The following SPTA1 variants were observed in gnomAD, a reference collection of about 807,000 sequenced individuals.
SPTA1 encodes the protein spectrin alpha, erythrocytic 1, also known as spectrin alpha chain, erythrocytic 1.
SPTA1 carries 177 observed loss-of-function variants against 324.7 expected under a neutral mutation model. The observed-to-expected ratio is 0.55, with a 90% CI of 0.48 to 0.62. The LOEUF is 0.62. Ranked by LOEUF, SPTA1 falls within the 20% of genes least tolerant of loss-of-function variation. The pLI is 0.00. For synonymous variants in SPTA1, 1,195 were observed against 1,041.3 expected, an observed-to-expected ratio of 1.15 and a Z score of -2.84; for missense variants, 3,162 against 2,883.6, an observed-to-expected ratio of 1.10 and a Z score of -2.21.
Position 158,639,800 on chromosome 1 carries a change from T to A in SPTA1, c.4875+70A>T, listed in dbSNP as rs1453152999. The A allele has an allele frequency of 6.2e-6, 10 of 1,612,786 alleles. No individual in the cohort carries two copies. The African/African-American group carries it at 8.0e-5, about 13-fold the overall frequency. ...CAGGAAAATTCAAGGAAATTGCCCATGGGTAAATTCATTTGTCTGACAAGT... is the reference window on the plus strand; with the variant it reads ...CAGGAAAATTCAAGGAAATTGCCCAAGGGTAAATTCATTTGTCTGACAAGT... On this transcript the variant is annotated intron_variant, in intron 34 of 51. Coordinates refer to ENST00000643759, the MANE Select transcript of SPTA1 (RefSeq NM_003126.4).
intron 5 of SPTA1, among the ~76,000 whole-genome samples, chr1:158,679,679 G>A (rs1363751537): frequency 1.3e-5 from 2 of 152,002 alleles, no homozygotes; most frequent in Non-Finnish European, 2.9e-5. Context: ...AAAAATGCCA[G>A]GTAAGATCAG....
intron 42 of SPTA1, among the ~76,000 whole-genome samples, chr1:158,624,873 C>T (rs1324800661): frequency 6.6e-6 from 1 of 152,094 alleles, no homozygotes; most frequent in Non-Finnish European, 1.5e-5. Flanking sequence ...TAGGAGCAGC[C>T]CTGGTTAAAG....
chr1:158,632,691 T>C (rs80334333), intron 39 of SPTA1, among the ~76,000 whole-genome samples: 128 of 151,352 alleles, frequency 8.5e-4, no homozygotes, highest in African/African-American at 3.0e-3. Context: ...AACTGCAAAC[T>C]GCATCATTTA....
rs752099269 is a variant in SPTA1 at position 158,644,397 on chromosome 1, C to T, written c.4195-1G>A. Reference sequence around the variant, plus strand: ...CTTGATCACAGTTCCCCTGGAACATCTATGAGGAATCAAATGAGAGGGGTA... The same window carrying T: ...CTTGATCACAGTTCCCCTGGAACATTTATGAGGAATCAAATGAGAGGGGTA... On this transcript the variant is annotated splice_acceptor_variant, in intron 29 of 51. Transcript: ENST00000643759. LOFTEE classifies it high-confidence loss of function. The T allele has an allele frequency of 1.9e-6, 3 of 1,613,662 alleles. No individual in the cohort carries two copies. In the South Asian group the frequency reaches 3.3e-5, roughly 18 times the overall value.
intron 47 of SPTA1, 123 bp downstream of exon 47, chr1:158,617,414 T>C: frequency 3.9e-6 from 3 of 763,116 alleles, no homozygotes; most frequent in Non-Finnish European, 4.6e-6. Context: ...TGATGGCCTA[T>C]GGTTAAAATG....
At chr1:158,626,310 C>CAAGA in intron 41 of SPTA1, 88 bp from the exon 42 acceptor site, 1 of 1,221,436 alleles carries the variant, frequency 8.2e-7, no homozygotes, top group Non-Finnish European at 1.2e-6. Flanking sequence ...CAACACACAA[C>CAAGA]AAGAAAGCTT....
chr1:158,664,582 G>C (rs1461993004), intron 16 of SPTA1, among the ~76,000 whole-genome samples: 3 of 152,140 alleles, frequency 2.0e-5, no homozygotes, highest in Non-Finnish European at 4.4e-5. Context: ...CAGGTTGATA[G>C]GTGCAGCAAA....
Position 158,611,302 on chromosome 1 carries a change from C to A in SPTA1, c.7222G>T (p.Asp2408Tyr). The A allele has an allele frequency of 6.2e-7, 1 of 1,613,838 alleles. No individual in the cohort carries two copies. Reference sequence around the variant, plus strand: ...TAGGAATTGGTGAAGCCAACGTAGTCATAGCCAGAGAGATGGCTTCGACCC... The same window carrying A: ...TAGGAATTGGTGAAGCCAACGTAGTAATAGCCAGAGAGATGGCTTCGACCC... ...PRGRSHLSGY[D>Y]YVGFTNSYFG... Residue 2408 changes from aspartate to tyrosine, a missense_variant, in exon 52 of 52, where the codon GAC becomes TAC. Coordinates refer to ENST00000643759, the MANE Select transcript of SPTA1 (RefSeq NM_003126.4).
intron 39 of SPTA1, among the ~76,000 whole-genome samples, 171 bp from the exon 40 acceptor site, chr1:158,627,894 C>G (rs1047577563): frequency 6.6e-6 from 1 of 152,164 alleles, no homozygotes; most frequent in African/African-American, 2.4e-5. Context: ...TTCTCAAATT[C>G]TCACTTGTCA....
At position 158,654,742 on chromosome 1, in the gene SPTA1, G is replaced by C. The variant is rs967975662; in HGVS notation, c.2905C>G (p.Gln969Glu). The C allele has an allele frequency of 2.5e-6, 4 of 1,613,456 alleles. No homozygotes were observed. In the African/African-American group the frequency reaches 5.3e-5, roughly 22 times the overall value. Residue 969 changes from glutamine (Q) to glutamate (E), a missense_variant, in exon 21 of 52, where the codon CAG (glutamine) becomes GAG (glutamate). By Grantham distance (29) the Gln-to-Glu change is conservative. Transcript: ENST00000643759. ...RNQANACQQQ[Q>E]AAPVEGVAGE... is the part of the protein sequence containing the mutation. The stretch of plus-strand genomic sequence containing the variant: ...GCAACTCCCTCCACTGGTGCAGCCT[G>C]TTGTTGCTGAATAAAAACAGGAAGC...
intron 43 of SPTA1, among the ~76,000 whole-genome samples, chr1:158,621,083 C>A (rs977321489): frequency 6.6e-6 from 1 of 152,152 alleles, no homozygotes; most frequent in Non-Finnish European, 1.5e-5. Context: ...TACCCTCTAA[C>A]CTGTATCCTT....
chr1:158,680,841 G>A, intron 4 of SPTA1, 112 bp from the exon 5 acceptor site: 4 of 1,372,354 alleles, frequency 2.9e-6, no homozygotes, highest in Non-Finnish European at 4.1e-6. Flanking sequence ...GAGATACTGG[G>A]GGAGACTGGG....
chr1:158,633,101 A>G (rs149118617), intron 39 of SPTA1, among the ~76,000 whole-genome samples: 3 of 152,318 alleles, frequency 2.0e-5, no homozygotes, highest in African/African-American at 7.2e-5. Context: ...TTTCATTTGT[A>G]TAGCAGCGTG....
Position 158,672,686 on chromosome 1 carries a change from A to G in SPTA1, c.1351-490T>C, listed in dbSNP as rs375386164. Among the ~76,000 whole-genome samples, 3 of 152,232 alleles carry G rather than the reference A, an allele frequency of 2.0e-5. No homozygotes were observed. The East Asian group carries it at 5.8e-4, about 29-fold the overall frequency. On this transcript the variant is annotated intron_variant, in intron 10 of 51. Coordinates refer to ENST00000643759, the MANE Select transcript of SPTA1 (RefSeq NM_003126.4). ...TTTATTCCCAAAACAAATAAAAACC[A>G]TCAGGGAAAGAGAGAAGAGACATTC...
intron 41 of SPTA1, among the ~76,000 whole-genome samples, chr1:158,626,481 G>A (rs73018207): frequency 0.012 from 1,881 of 152,218 alleles, 45 homozygotes; most frequent in African/African-American, 0.043. Context: ...GATTAGATAT[G>A]AATTGTAAGT....
Position 158,612,859 on chromosome 1 carries a change from C to T in SPTA1, c.7092G>A (p.Leu2364=), listed in dbSNP as rs763744175. Residue 2364 remains leucine (L), a synonymous_variant, in exon 51 of 52, where the codon CTG becomes CTA. Coordinates refer to ENST00000643759, the MANE Select transcript of SPTA1 (RefSeq NM_003126.4). ...SDEIENAFQA[L]AEGKSYITKE... is the part of the protein sequence containing the mutation. Reference sequence around the variant, plus strand: ...TGGTAATATATGACTTGCCCTCTGCCAGGGCTTGGAAGGCATTCTCTATTT... The same window carrying T: ...TGGTAATATATGACTTGCCCTCTGCTAGGGCTTGGAAGGCATTCTCTATTT... The T allele has an allele frequency of 1.2e-6, 2 of 1,613,930 alleles. No homozygotes were observed. Among genetic ancestry groups the T allele is most frequent in the Non-Finnish European group, 1.7e-6 (2 of 1,179,890 alleles).
At chr1:158,645,443 T>C (rs1651924389) in intron 28 of SPTA1, 52 bp downstream of exon 28, 2 of 1,613,850 alleles carry the variant, frequency 1.2e-6, no homozygotes, top group East Asian at 2.2e-5. Flanking sequence ...ATTTTAAAAT[T>C]AGTAGAGGTT....
Position 158,642,933 on chromosome 1 carries a change from G to C in SPTA1, c.4486C>G (p.Leu1496Val). 6.2e-7 allele frequency: 1 copy of C among 1,613,696 alleles called. No individual in the cohort carries two copies. The highest frequency in any genetic ancestry group is 1.1e-5 in the South Asian group (1 of 91,054). The change falls in exon 32 of 52, where the codon CTT becomes GTT. Residue 1496 changes from leucine to valine, a missense_variant. Leu to Val is a conservative substitution (Grantham distance 32). Coordinates refer to ENST00000643759, the MANE Select transcript of SPTA1 (RefSeq NM_003126.4). ...TGTTTTAGGTTGGCATAGTCTCCAAGCTTTGTCCGCTCATCAATCAGTTGT... is the reference window on the plus strand; with the variant it reads ...TGTTTTAGGTTGGCATAGTCTCCAACCTTTGTCCGCTCATCAATCAGTTGT... ...KAQLIDERTKLGDYANLKQFY... is the reference protein window; with the variant it reads ...KAQLIDERTKVGDYANLKQFY...
Position 158,669,392 on chromosome 1 carries a change from T to A in SPTA1, c.1833+16A>T. The A allele has an allele frequency of 1.9e-6, 3 of 1,614,062 alleles. No individual in the cohort carries two copies. Among genetic ancestry groups the A allele is most frequent in the Non-Finnish European group, 2.5e-6 (3 of 1,179,948 alleles). On this transcript the variant is annotated intron_variant, in intron 14 of 51. Coordinates refer to ENST00000643759, the MANE Select transcript of SPTA1 (RefSeq NM_003126.4). ...ACTCCTGATAACTACATCCAGCTCCTGAAAACTCTGCCTACCTTGTAATCT... is the reference window on the plus strand; with the variant it reads ...ACTCCTGATAACTACATCCAGCTCCAGAAAACTCTGCCTACCTTGTAATCT...
Sources: gnomAD v4.1 joint callset for allele counts (sites outside exome capture counted in the v4.1 genomes callset) on GRCh38, gnomAD v4.1.1 for gene constraint, MANE v1.5 for transcripts, NCBI Gene and HGNC (gene_info 2026-07-23, HGNC 2026-07-21) for gene names.